PCDH15: variants seen among roughly 807,000 people sequenced by gnomAD.
The protein encoded by PCDH15 is protocadherin-15.
A neutral mutation model predicts 178.5 loss-of-function variants in PCDH15; 129 were observed. The observed-to-expected ratio is 0.72, with a 90% CI of 0.63 to 0.84. The LOEUF is 0.84. Ranked by LOEUF, PCDH15 falls within the 40% of genes least tolerant of loss-of-function variation. The pLI, the probability that PCDH15 is intolerant of heterozygous loss-of-function variation, is 0.00. For missense variants in PCDH15, 2,230 were observed against 2,099.9 expected (o/e 1.06, Z -1.21); for synonymous variants, 800 against 732.0 (o/e 1.09, Z -1.50).
At chr10:54,130,869 G>C (rs2042380406) in intron 15 of PCDH15, among the ~76,000 whole-genome samples, 1 of 152,108 alleles carries the variant, frequency 6.6e-6, no homozygotes, top group African/African-American at 2.4e-5. Context: ...TAATTTGACG[G>C]GAGCTTTTCA....
intron 2 of PCDH15, among the ~76,000 whole-genome samples, chr10:54,995,911 A>T (rs900009877): frequency 6.6e-6 from 1 of 152,074 alleles, no homozygotes; most frequent in Non-Finnish European, 1.5e-5. Context: ...CTTTCCTGTT[A>T]TATAAATCCC....
intron 15 of PCDH15, among the ~76,000 whole-genome samples, chr10:54,100,668 AG>A (rs2094793215): frequency 6.6e-6 from 1 of 152,168 alleles, no homozygotes; most frequent in Non-Finnish European, 1.5e-5. Context: ...AATAGAATTC[AG>A]GCAAAAAAAA....
intron 1 of PCDH15, among the ~76,000 whole-genome samples, chr10:55,256,421 C>T (rs1033019488): frequency 2.6e-5 from 4 of 152,152 alleles, no homozygotes; most frequent in South Asian, 2.1e-4. Flanking sequence ...CGAAGCAGGG[C>T]GAGGCATCGC....
At chr10:54,075,466 C>T (rs576224257) in intron 17 of PCDH15, among the ~76,000 whole-genome samples, 3 of 151,940 alleles carry the variant, frequency 2.0e-5, no homozygotes, top group South Asian at 2.1e-4. Flanking sequence ...TTTTATGTTG[C>T]TTTTTTATTC....
intron 1 of PCDH15, among the ~76,000 whole-genome samples, chr10:54,797,675 G>C (rs1952180990): frequency 1.3e-5 from 2 of 151,948 alleles, no homozygotes; most frequent in Admixed American, 1.3e-4. Flanking sequence ...TTTAAATGTG[G>C]ACACTGAGGA....
At chr10:55,421,279 T>A (rs1042518187) in intron 2 of PCDH15, among the ~76,000 whole-genome samples, 4 of 151,302 alleles carry the variant, frequency 2.6e-5, no homozygotes, top group Non-Finnish European at 5.9e-5. Flanking sequence ...ATTAAAAAAA[T>A]TAAATCAATT....
intron 3 of PCDH15, among the ~76,000 whole-genome samples, chr10:54,879,304 T>C (rs1233907593): frequency 1.3e-5 from 2 of 152,074 alleles, no homozygotes; most frequent in African/African-American, 4.8e-5. Flanking sequence ...CATCATTTTC[T>C]CAATGTATAT....
At chr10:54,701,641 C>T (rs2095309928) in intron 1 of PCDH15, among the ~76,000 whole-genome samples, 1 of 151,968 alleles carries the variant, frequency 6.6e-6, no homozygotes. Flanking sequence ...GAGAAAAAAG[C>T]ATGGGTTGCT....
At chr10:54,374,743 G>A (rs1449646520) in intron 4 of PCDH15, among the ~76,000 whole-genome samples, 1 of 151,804 alleles carries the variant, frequency 6.6e-6, no homozygotes, top group African/African-American at 2.4e-5. Flanking sequence ...ATGACCATAA[G>A]GGAAAATCTT....
intron 29 of PCDH15, among the ~76,000 whole-genome samples, chr10:53,833,560 T>C (rs1369576236): frequency 6.6e-6 from 1 of 152,100 alleles, no homozygotes; most frequent in African/African-American, 2.4e-5. Flanking sequence ...AGGGCTTACC[T>C]AATTTTTGTT....
At position 53,831,310 on chromosome 10, in the gene PCDH15, C is replaced by T. The variant is rs886047063; in HGVS notation, c.4202+5G>A. ...TATCCAGGTTTACCATCCTTGAATA[C>T]TTACTGTCTGTAGCTGACCAAAACC... On this transcript the variant is annotated splice_donor_5th_base_variant and intron_variant, in intron 30 of 37. Coordinates refer to ENST00000644397, the MANE Select transcript of PCDH15 (RefSeq NM_001384140.1). The T allele has an allele frequency of 1.2e-6, 2 of 1,613,708 alleles. No homozygotes were observed. Among genetic ancestry groups the T allele is most frequent in the Admixed American group, 1.7e-5 (1 of 60,022 alleles).
chr10:54,991,339 G>C (rs984656655), intron 2 of PCDH15, among the ~76,000 whole-genome samples: 31 of 152,122 alleles, frequency 2.0e-4, no homozygotes, highest in African/African-American at 7.0e-4. Context: ...GTAGATGGAT[G>C]TAATTATCTG....
intron 2 of PCDH15, among the ~76,000 whole-genome samples, chr10:55,581,026 A>ATCAGGAT (rs1358374322): frequency 6.6e-6 from 1 of 152,182 alleles, no homozygotes; most frequent in Non-Finnish European, 1.5e-5. Flanking sequence ...ATGCAACTTA[A>ATCAGGAT]TCAGGAGTCA....
intron 2 of PCDH15, among the ~76,000 whole-genome samples, chr10:54,637,642 A>C (rs1371313690): frequency 6.6e-6 from 1 of 152,054 alleles, no homozygotes; most frequent in Non-Finnish European, 1.5e-5. Context: ...TATATTCCAA[A>C]ATAATCTTTT....
At chr10:54,576,696 A>C (rs4381287) in intron 2 of PCDH15, among the ~76,000 whole-genome samples, 1 of 151,950 alleles carries the variant, frequency 6.6e-6, no homozygotes, top group East Asian at 1.9e-4. Context: ...TATCCAGATC[A>C]GATAAAACGT....
At chr10:54,665,595 A>G (rs972129495) in intron 1 of PCDH15, among the ~76,000 whole-genome samples, 37 of 152,188 alleles carry the variant, frequency 2.4e-4, no homozygotes, top group African/African-American at 8.4e-4. Context: ...TATATATTGC[A>G]TTGTAAAATT....
At chr10:54,600,298 G>C in intron 2 of PCDH15, 1 of 544,008 alleles carries the variant, frequency 1.8e-6, no homozygotes, top group Non-Finnish European at 3.6e-6. Context: ...GGAAGGGAGT[G>C]ATAAAGATTC....
chr10:54,726,415 CA>C (rs1238872719), intron 1 of PCDH15, among the ~76,000 whole-genome samples: 3 of 130,662 alleles, frequency 2.3e-5, no homozygotes, highest in African/African-American at 8.7e-5. Context: ...TTCTACCCAT[CA>C]GGGGTGTGTG....
intron 20 of PCDH15, 47 bp downstream of exon 20, chr10:54,020,145 T>G: frequency 6.6e-7 from 1 of 1,524,440 alleles, no homozygotes; most frequent in Non-Finnish European, 9.1e-7. Context: ...AAAACCTACA[T>G]GTAGAGAGAG....
Sources: allele counts gnomAD v4.1 joint callset (sites outside exome capture counted in the v4.1 genomes callset), GRCh38; gene constraint gnomAD v4.1.1; transcripts MANE v1.5; gene names NCBI Gene and HGNC (gene_info 2026-07-23, HGNC 2026-07-21).